The following MAGI1 variants were observed in gnomAD, a reference collection of about 807,000 sequenced individuals.
MAGI1 encodes membrane associated guanylate kinase, WW and PDZ domain containing 1, also known as membrane-associated guanylate kinase, WW and PDZ domain-containing protein 1.
Under a neutral mutation model 139.9 loss-of-function variants are expected in MAGI1, and 58 were observed. The observed-to-expected ratio is 0.41, with a 90% CI of 0.34 to 0.52. The LOEUF is 0.52. Among genes scored for constraint, MAGI1 ranks in the 20% least tolerant of loss-of-function variants. The pLI, the probability that MAGI1 is intolerant of heterozygous loss-of-function variation, is 0.12. For synonymous variants in MAGI1, 812 were observed against 737.9 expected (o/e 1.10, Z -1.63); for missense variants, 1,874 against 1,901.6 (o/e 0.99, Z 0.27).
chr3:65,756,795 C>T (rs1390972448), intron 1 of MAGI1, among the ~76,000 whole-genome samples: 1 of 152,114 alleles, frequency 6.6e-6, no homozygotes, highest in African/African-American at 2.4e-5. Flanking sequence ...AAAATGAAAG[C>T]TATACAGCCT....
intron 22 of MAGI1, chr3:65,358,964 TC>T: frequency 9.4e-7 from 1 of 1,064,460 alleles, no homozygotes; most frequent in Non-Finnish European, 1.5e-6. Context: ...CGCAGGGTGC[TC>T]AGAATGAATT....
chr3:65,734,879 G>A lies in MAGI1; in HGVS notation c.314-112791C>T, dbSNP rs183703815. Among the ~76,000 whole-genome samples, 1,211 of 148,550 alleles carry A rather than the reference G, an allele frequency of 8.2e-3. 4 individuals carry two copies. Among genetic ancestry groups the A allele is most frequent in the Non-Finnish European group, 0.011 (759 of 67,186 alleles). ...GGGGGGAGGGGAGGTGAAGAGATGG[G>A]AGGTGAGGGGAGGAGAAGGGAGGAA... On this transcript the variant is annotated intron_variant, in intron 1 of 22. Coordinates refer to ENST00000402939, the MANE Select transcript of MAGI1 (RefSeq NM_001033057.2).
At chr3:65,441,620 ATTCAAAATGAGC>A (rs1242695816) in intron 8 of MAGI1, among the ~76,000 whole-genome samples, 1 of 152,178 alleles carries the variant, frequency 6.6e-6, no homozygotes, top group Middle Eastern at 3.2e-3. Context: ...TTGAGGGACA[ATTCAAAATGAGC>A]TTCAAATAGC....
chr3:65,504,538 C>T (rs1427330042), intron 2 of MAGI1, among the ~76,000 whole-genome samples: 1 of 152,014 alleles, frequency 6.6e-6, no homozygotes, highest in African/African-American at 2.4e-5. Flanking sequence ...CTTCTGTACA[C>T]AAAGAAGACA....
chr3:66,009,402 C>T (rs1019781116), intron 1 of MAGI1, among the ~76,000 whole-genome samples: 1 of 151,978 alleles, frequency 6.6e-6, no homozygotes. Flanking sequence ...CCCAGCTACC[C>T]GGGAGGCTGA....
chr3:65,484,993 G>A (rs1343115652), intron 3 of MAGI1, among the ~76,000 whole-genome samples: 3 of 152,144 alleles, frequency 2.0e-5, no homozygotes, highest in Non-Finnish European at 2.9e-5. Flanking sequence ...CAGGCCTGAC[G>A]CAGTGCCAGG....
intron 22 of MAGI1, among the ~76,000 whole-genome samples, chr3:65,358,810 C>A (rs1445596366): frequency 1.3e-5 from 2 of 152,080 alleles, no homozygotes; most frequent in African/African-American, 4.8e-5. Context: ...CGAGAATGAA[C>A]AAAAAACAGG....
chr3:65,486,262 T>G (rs1951629363), intron 3 of MAGI1, among the ~76,000 whole-genome samples: 1 of 152,192 alleles, frequency 6.6e-6, no homozygotes, highest in Admixed American at 6.5e-5. Flanking sequence ...AACTCCAATT[T>G]GAAATGTCAC....
At chr3:65,448,607 G>A (rs181953311) in intron 6 of MAGI1, among the ~76,000 whole-genome samples, 34 of 152,018 alleles carry the variant, frequency 2.2e-4, no homozygotes, top group African/African-American at 3.1e-4. Flanking sequence ...GATGAATTAC[G>A]TCAAGATAAA....
Position 65,822,442 on chromosome 3 carries a change from C to T in MAGI1, c.314-200354G>A, listed in dbSNP as rs1053235220. On this transcript the variant is annotated intron_variant, in intron 1 of 22. Coordinates refer to ENST00000402939, the MANE Select transcript of MAGI1 (RefSeq NM_001033057.2). Reference sequence around the variant, plus strand: ...ACTCCGGAGGCTGAGCCAGAAAAATCACTTGAACCCAGGAGGCGGAGGTCG... The same window carrying T: ...ACTCCGGAGGCTGAGCCAGAAAAATTACTTGAACCCAGGAGGCGGAGGTCG... Among the ~76,000 whole-genome samples, 13 of 152,090 alleles carry T rather than the reference C, an allele frequency of 8.5e-5. 1 individual carries two copies. Among genetic ancestry groups the T allele is most frequent in the Admixed American group, 8.5e-4 (13 of 15,270 alleles).
In MAGI1 at chr3:65,691,526, A is replaced by T. The variant is rs2088653407; in HGVS notation, c.314-69438T>A. 2.0e-5 allele frequency among the ~76,000 whole-genome samples: 3 copies of T among 152,132 alleles called. No individual in the cohort carries two copies. The South Asian group carries it at 6.2e-4, about 32-fold the overall frequency. ...TTTGACCACATAACTTCCTTTTATA[A>T]TTATTATTTTTATTTATTTTTAGCA... On this transcript the variant is annotated intron_variant, in intron 1 of 22. Transcript: ENST00000402939.
chr3:65,361,409 G>A (rs138671818), intron 21 of MAGI1, 72 bp from the exon 22 acceptor site: 340 of 1,492,626 alleles, frequency 2.3e-4, no homozygotes, highest in Middle Eastern at 8.9e-4. Context: ...TATTAAGCAC[G>A]TGGCAGAACA....
intron 1 of MAGI1, among the ~76,000 whole-genome samples, chr3:65,817,678 T>C (rs2041691801): frequency 6.6e-6 from 1 of 152,220 alleles, no homozygotes; most frequent in African/African-American, 2.4e-5. Flanking sequence ...GTGTAAAATG[T>C]GCTCAATTCA....
At chr3:65,750,187 G>T (rs1011396878) in intron 1 of MAGI1, among the ~76,000 whole-genome samples, 2 of 152,140 alleles carry the variant, frequency 1.3e-5, no homozygotes, top group Admixed American at 1.3e-4. Flanking sequence ...AATAGTTTGG[G>T]ACCCCAAAGC....
At chr3:65,779,422 C>A (rs1442648027) in intron 1 of MAGI1, among the ~76,000 whole-genome samples, 1 of 152,236 alleles carries the variant, frequency 6.6e-6, no homozygotes, top group African/African-American at 2.4e-5. Flanking sequence ...CTAAAGCACT[C>A]AACTTTTTTC....
intron 1 of MAGI1, among the ~76,000 whole-genome samples, chr3:65,953,239 AG>A (rs1412595279): frequency 6.6e-6 from 1 of 152,198 alleles, no homozygotes; most frequent in African/African-American, 2.4e-5. Flanking sequence ...AAACTAGATA[AG>A]TAAGGACAGC....
At chr3:65,630,682 T>A (rs191731004) in intron 1 of MAGI1, among the ~76,000 whole-genome samples, 191 of 151,852 alleles carry the variant, frequency 1.3e-3, no homozygotes, top group African/African-American at 4.4e-3. Context: ...ACATACAGAG[T>A]GATTTAATGG....
At chr3:65,393,018 C>T (rs1944060356) in intron 13 of MAGI1, among the ~76,000 whole-genome samples, 1 of 152,156 alleles carries the variant, frequency 6.6e-6, no homozygotes, top group South Asian at 2.1e-4. Context: ...CAGGAAAACA[C>T]GCTGATGTTT....
chr3:65,536,680 G>A (rs1208219496), intron 2 of MAGI1, among the ~76,000 whole-genome samples: 2 of 152,222 alleles, frequency 1.3e-5, no homozygotes, highest in Admixed American at 6.5e-5. Flanking sequence ...AGTGTTCAGG[G>A]CTGGCCATAT....
Sources: gnomAD v4.1 joint callset for allele counts (sites outside exome capture counted in the v4.1 genomes callset) on GRCh38, gnomAD v4.1.1 for gene constraint, MANE v1.5 for transcripts, NCBI Gene and HGNC (gene_info 2026-07-23, HGNC 2026-07-21) for gene names.